CHD3: variants seen among roughly 807,000 people sequenced by gnomAD.
The protein encoded by CHD3 is ATP-dependent chromatin remodeler CHD3.
CHD3 carries 52 observed loss-of-function variants against 248.9 expected under a neutral mutation model. The observed-to-expected ratio is 0.21, with a 90% confidence interval of 0.17 to 0.26. The LOEUF is 0.26. CHD3 is among the 10% of genes least tolerant of loss of function. The probability of loss-of-function intolerance (pLI) is 1.00; values close to 1 mark genes in which losing one functional copy is unlikely to be tolerated. For synonymous variants in CHD3, 985 were observed against 985.2 expected (o/e 1.00, Z 0.00); for missense variants, 1,482 against 2,605.8 (o/e 0.57, Z 9.39).
rs377616621 is a variant in CHD3 at position 7,908,046 on chromosome 17, C to T, written c.5152+27C>T. 22 of 1,579,210 alleles carry T rather than the reference C, an allele frequency of 1.4e-5. No individual in the cohort carries two copies. The East Asian group carries it at 3.2e-4, about 23-fold the overall frequency. Reference sequence around the variant, plus strand: ...TTGGGGAGACTCTCGCTGCTTTCTGCTCCTCAAGGGGATCTGCTCATCCTC... The same window carrying T: ...TTGGGGAGACTCTCGCTGCTTTCTGTTCCTCAAGGGGATCTGCTCATCCTC... On this transcript the variant is annotated intron_variant, in intron 34 of 39. Coordinates refer to ENST00000330494, the MANE Select transcript of CHD3 (RefSeq NM_001005273.3). The surrounding 1 kb of genome is among the most constrained non-coding windows in gnomAD (Gnocchi z 5.8).
chr17:7,907,933 G>T lies in CHD3; in HGVS notation c.5066G>T (p.Arg1689Leu). Reference sequence around the variant, plus strand: ...GACCGGGAGCTTCGACCAGGGCCTCGAGATGAGCCACGGTCCAATGGGCGA... The same window carrying T: ...GACCGGGAGCTTCGACCAGGGCCTCTAGATGAGCCACGGTCCAATGGGCGA... ...KGDRELRPGP[R>L]DEPRSNGRRE... The change falls in exon 34 of 40, where the codon CGA (arginine) becomes CTA (leucine). Residue 1689 changes from arginine to leucine, a missense_variant. Around this residue, in one of 20 missense-constraint regions of CHD3, gnomAD observed 254 missense variants for 266.7 expected, o/e 0.95. Transcript: ENST00000330494. The surrounding 1 kb of genome is among the most constrained non-coding windows in gnomAD (Gnocchi z 4.3). 6.2e-7 allele frequency: 1 copy of T among 1,612,968 alleles called. No homozygotes were observed. The highest frequency in any genetic ancestry group is 8.5e-7 in the Non-Finnish European group (1 of 1,179,144).
At position 7,890,705 on chromosome 17, in the gene CHD3, G is replaced by A; in HGVS notation, c.348G>A (p.Lys116=). The A allele has an allele frequency of 6.4e-7, 1 of 1,564,376 alleles. No individual in the cohort carries two copies. The highest frequency in any genetic ancestry group is 8.7e-7 in the Non-Finnish European group (1 of 1,153,998). The part of the protein sequence containing the change: ...KHREKKEKKT[K]RRKKGEGDGG... ...GAGAAAAAAAGGAGAAGAAGACAAA[G>A]CGGCGGAAAAAGGGGGAGGGAGATG... The change falls in exon 3 of 40, where the codon AAG becomes AAA. Residue 116 remains lysine, a synonymous_variant. Coordinates refer to ENST00000330494, the MANE Select transcript of CHD3 (RefSeq NM_001005273.3).
Position 7,908,279 on chromosome 17 carries a change from C to T in CHD3, c.5153-123C>T. ...GTTTGTTCCAAACCTAACCTTTACC[C>T]ATTCCTCTTCAGGAGCCCTTAGTTC... On this transcript the variant is annotated intron_variant, in intron 34 of 39. Transcript: ENST00000330494. This position sits in a 1 kb window ranked among gnomAD's most constrained non-coding sequence, Gnocchi z 5.8. 1 of 872,264 alleles carries T rather than the reference C, an allele frequency of 1.1e-6. No homozygotes were observed. Among genetic ancestry groups the T allele is most frequent in the South Asian group, 1.7e-5 (1 of 59,234 alleles). 54.0% of individuals were successfully genotyped at this position (872,264 alleles called of 1,614,324 possible).
At position 7,906,500 on chromosome 17, in the gene CHD3, C is replaced by G; in HGVS notation, c.4359-53C>G. ...TCATCCTCGCGCCTCCCTCACTGCC[C>G]TATACCCCTTCTGTGGCTCCCCTAA... is the stretch of plus-strand genomic sequence containing the variant. On this transcript the variant is annotated intron_variant, in intron 28 of 39. Coordinates refer to ENST00000330494, the MANE Select transcript of CHD3 (RefSeq NM_001005273.3). This position sits in a 1 kb window ranked among gnomAD's most constrained non-coding sequence, Gnocchi z 5.0. 6.2e-7 allele frequency: 1 copy of G among 1,603,106 alleles called. No homozygotes were observed. Among genetic ancestry groups the G allele is most frequent in the African/African-American group, 1.3e-5 (1 of 74,656 alleles).
intron 10 of CHD3, among the ~76,000 whole-genome samples, chr17:7,896,227 CAAAAAAA>C (rs750972677): frequency 3.5e-5 from 2 of 57,918 alleles, no homozygotes; most frequent in South Asian, 6.1e-4. Context: ...CACTCTATCT[CAAAAAAA>C]AAAAAAAAAA....
In CHD3 at chr17:7,909,533, A is replaced by C; in HGVS notation, c.5590+195A>C. On this transcript the variant is annotated intron_variant, in intron 37 of 39. Transcript: ENST00000330494. This position sits in a 1 kb window ranked among gnomAD's most constrained non-coding sequence, Gnocchi z 8.1. ...CTAGGACTTGTGCAAGCCAACCCTC[A>C]TCCATGTCTGATAGCATTCACATCC... is the stretch of plus-strand genomic sequence containing the variant. 5 of 733,276 alleles carry C rather than the reference A, an allele frequency of 6.8e-6. No homozygotes were observed. Among genetic ancestry groups the C allele is most frequent in the Non-Finnish European group, 1.1e-5 (5 of 472,874 alleles). The allele number at this position is 733,276 out of a possible 1,614,324, so 45.4% of individuals were successfully genotyped here.
Position 7,910,180 on chromosome 17 carries a change from CATCT to C in CHD3, c.5591-247_5591-244del, listed in dbSNP as rs1229191952. 4.0e-6 allele frequency: 2 copies of C among 504,940 alleles called. No individual in the cohort carries two copies. The highest frequency in any genetic ancestry group is 7.3e-5 in the Admixed American group (2 of 27,292). 31.3% of individuals were successfully genotyped at this position (504,940 alleles called of 1,614,324 possible). On this transcript the variant is annotated intron_variant, in intron 37 of 39. Coordinates refer to ENST00000330494, the MANE Select transcript of CHD3 (RefSeq NM_001005273.3). The surrounding 1 kb of genome is among the most constrained non-coding windows in gnomAD (Gnocchi z 4.7). ...TCCCTTTTTCTTTCTTCTTTCTCTC[CATCT>C]GTCTTCTGTGGTAATCTGGTCTCTC...
Position 7,905,261 on chromosome 17 carries a change from G to A in CHD3, c.4138+96G>A, listed in dbSNP as rs745331215. 2.0e-4 allele frequency: 232 copies of A among 1,149,964 alleles called. 1 individual carries two copies. The highest frequency in any genetic ancestry group is 3.9e-4 in the Middle Eastern group (2 of 5,110). The allele number at this position is 1,149,964 out of a possible 1,614,324, so 71.2% of individuals were successfully genotyped here. A position where few individuals can be genotyped will look rare whatever the true frequency, so the allele number is the denominator to read the frequency against. Reference sequence around the variant, plus strand: ...TTTTTATACAAGTAAAAAAGTCTTCGTGTGTGTGTGGAAAAACTCGATTGC... The same window carrying A: ...TTTTTATACAAGTAAAAAAGTCTTCATGTGTGTGTGGAAAAACTCGATTGC... On this transcript the variant is annotated intron_variant, in intron 26 of 39. Coordinates refer to ENST00000330494, the MANE Select transcript of CHD3 (RefSeq NM_001005273.3). The surrounding 1 kb of genome is among the most constrained non-coding windows in gnomAD (Gnocchi z 5.8).
chr17:7,901,550 G>T (rs1970321932), intron 20 of CHD3, among the ~76,000 whole-genome samples, 175 bp downstream of exon 20: 1 of 111,418 alleles, frequency 9.0e-6, no homozygotes, highest in Admixed American at 1.2e-4. Flanking sequence ...CGCTCTTATT[G>T]CCCAGGCTGG....
In CHD3 at chr17:7,909,065, C is replaced by G; in HGVS notation, c.5395-78C>G. ...CCAGCAGTGAGGGCAGGGTGGGTCT[C>G]TTGCTATGTCCGCCCCCCCAGCCCC... On this transcript the variant is annotated intron_variant, in intron 36 of 39. Transcript: ENST00000330494. The surrounding 1 kb of genome is among the most constrained non-coding windows in gnomAD (Gnocchi z 8.1). 6.5e-7 allele frequency: 1 copy of G among 1,532,920 alleles called. No homozygotes were observed. Among genetic ancestry groups the G allele is most frequent in the South Asian group, 1.2e-5 (1 of 82,792 alleles). The allele number at this position is 1,532,920 out of a possible 1,614,324, so 95.0% of individuals were successfully genotyped here. A position where few individuals can be genotyped will look rare whatever the true frequency, so the allele number is the denominator to read the frequency against.
Position 7,893,577 on chromosome 17 carries a change from A to C in CHD3, c.793+8A>C. The stretch of plus-strand genomic sequence containing the variant: ...AAACCAAAGAGGGCAAAGGTAGGGA[A>C]CTCTCTTCCAACAACTGTCATCTCA... On this transcript the variant is annotated splice_region_variant and intron_variant, in intron 5 of 39. Transcript: ENST00000330494. 6.4e-7 allele frequency: 1 copy of C among 1,554,432 alleles called. No individual in the cohort carries two copies.
chr17:7,908,593 G>C lies in CHD3; in HGVS notation c.5261+83G>C. The C allele has an allele frequency of 6.3e-7, 1 of 1,586,880 alleles. No homozygotes were observed. Among genetic ancestry groups the C allele is most frequent in the African/African-American group, 1.3e-5 (1 of 74,172 alleles). On this transcript the variant is annotated intron_variant, in intron 35 of 39. Transcript: ENST00000330494. The surrounding 1 kb of genome is among the most constrained non-coding windows in gnomAD (Gnocchi z 5.8). ...AAAGATGATTTCACACCCAGGGACA[G>C]GGCTAGTGCCACACTTTGGGGAGTC...
At position 7,897,565 on chromosome 17, in the gene CHD3, G is replaced by A. The variant is rs933274689; in HGVS notation, c.1919+271G>A. 9.2e-5 allele frequency among the ~76,000 whole-genome samples: 14 copies of A among 152,196 alleles called. No homozygotes were observed. The highest frequency in any genetic ancestry group is 1.6e-4 in the Non-Finnish European group (11 of 68,044). On this transcript the variant is annotated intron_variant, in intron 11 of 39. Transcript: ENST00000330494. This position sits in a 1 kb window ranked among gnomAD's most constrained non-coding sequence, Gnocchi z 4.8. ...CACATGAGTCTGGGGATGAGGGCAT[G>A]AAAGCAAAACATGAGAGACATAATT...
Position 7,911,926 on chromosome 17 carries a change from C to A in CHD3, c.*341C>A. 1 of 395,142 alleles carries A rather than the reference C, an allele frequency of 2.5e-6. No homozygotes were observed. Among genetic ancestry groups the A allele is most frequent in the Non-Finnish European group, 4.6e-6 (1 of 215,404 alleles). 24.5% of individuals were successfully genotyped at this position (395,142 alleles called of 1,614,324 possible). The stretch of plus-strand genomic sequence containing the variant: ...TGGGGAGGAAAGAGGTGGAGCCTCC[C>A]CAGCCGTTTCCCTGCAGAATCAGCT... On this transcript the variant is annotated 3_prime_UTR_variant, in exon 40 of 40. Coordinates refer to ENST00000330494, the MANE Select transcript of CHD3 (RefSeq NM_001005273.3). This position sits in a 1 kb window ranked among gnomAD's most constrained non-coding sequence, Gnocchi z 5.4.
Position 7,911,035 on chromosome 17 carries a change from G to A in CHD3, c.5881+62G>A. 6.2e-7 allele frequency: 1 copy of A among 1,601,838 alleles called. No homozygotes were observed. The highest frequency in any genetic ancestry group is 8.5e-7 in the Non-Finnish European group (1 of 1,174,508). ...TCCTCCTTTGCCAAACTTTATTTCT[G>A]CTCAGCTGCCCTTTAACTGCTCTAG... On this transcript the variant is annotated intron_variant, in intron 39 of 39. Transcript: ENST00000330494. The surrounding 1 kb of genome is among the most constrained non-coding windows in gnomAD (Gnocchi z 5.4).
Position 7,908,415 on chromosome 17 carries a change from G to A in CHD3, c.5166G>A (p.Leu1722=), listed in dbSNP as rs1157862550. Reference sequence around the variant, plus strand: ...CCTTCTTTGCAGAGCTTCACACACTGTGGCAGAATGAGGAACGGGCAGCTA... The same window carrying A: ...CCTTCTTTGCAGAGCTTCACACACTATGGCAGAATGAGGAACGGGCAGCTA... ...ADGGFTELHT[L]WQNEERAAIS... The change falls in exon 35 of 40, where the codon CTG becomes CTA. Residue 1722 remains leucine, a synonymous_variant. Coordinates refer to ENST00000330494, the MANE Select transcript of CHD3 (RefSeq NM_001005273.3). This position sits in a 1 kb window ranked among gnomAD's most constrained non-coding sequence, Gnocchi z 5.8. 12 of 1,613,358 alleles carry A rather than the reference G, an allele frequency of 7.4e-6. 1 individual carries two copies. The Admixed American group carries it at 1.7e-4, about 22-fold the overall frequency.
At position 7,907,086 on chromosome 17, in the gene CHD3, G is replaced by A. The variant is rs770729968; in HGVS notation, c.4667-40G>A. On this transcript the variant is annotated intron_variant, in intron 30 of 39. Coordinates refer to ENST00000330494, the MANE Select transcript of CHD3 (RefSeq NM_001005273.3). This position sits in a 1 kb window ranked among gnomAD's most constrained non-coding sequence, Gnocchi z 4.3. ...CAGAAAGGGAGCCAGGAGTCAGGGCGGGAGAATCTCTGTCTTTATCACTGT... is the reference window on the plus strand; with the variant it reads ...CAGAAAGGGAGCCAGGAGTCAGGGCAGGAGAATCTCTGTCTTTATCACTGT... The A allele has an allele frequency of 3.3e-5, 54 of 1,613,902 alleles. No homozygotes were observed. The highest frequency in any genetic ancestry group is 1.6e-4 in the Middle Eastern group (1 of 6,084).
rs949733474 is a variant in CHD3, at chr17:7,889,407, C to G, written c.101-257C>G. 6.6e-6 allele frequency among the ~76,000 whole-genome samples: 1 copy of G among 152,220 alleles called. No individual in the cohort carries two copies. Among genetic ancestry groups the G allele is most frequent in the African/African-American group, 2.4e-5 (1 of 41,456 alleles). ...CAGAGCCCATGGCCTGGAGCCTGGT[C>G]TCTTGTTAGTAGGAGGGGAGGGAGG... is the stretch of plus-strand genomic sequence containing the variant. On this transcript the variant is annotated intron_variant, in intron 1 of 39. Transcript: ENST00000330494. This position sits in a 1 kb window ranked among gnomAD's most constrained non-coding sequence, Gnocchi z 4.5.
upstream of CHD3, among the ~76,000 whole-genome samples, chr17:7,887,661 A>C (rs904123446): frequency 6.6e-6 from 1 of 151,376 alleles, no homozygotes; most frequent in Non-Finnish European, 1.5e-5. Context: ...TGAGATTAGA[A>C]GAAGAGAGGG....
Sources: gnomAD v4.1 joint callset for allele counts (sites outside exome capture counted in the v4.1 genomes callset) on GRCh38, gnomAD v4.1.1 for gene constraint, gnomAD v4.1.1 regional missense constraint, Gnocchi (gnomAD v3.1) non-coding constraint, MANE v1.5 for transcripts, NCBI Gene and HGNC (gene_info 2026-07-23, HGNC 2026-07-21) for gene names.